Variants in NEDD4L observed in about 807,000 individuals in gnomAD.
The protein encoded by NEDD4L is E3 ubiquitin-protein ligase NEDD4-like.
In NEDD4L, 54 loss-of-function variants were observed where a neutral mutation model predicts 148.9. The observed-to-expected ratio is 0.36, with a 90% CI of 0.29 to 0.45. The LOEUF (loss-of-function observed/expected upper bound fraction) is 0.45. Ranked by LOEUF, NEDD4L falls within the 20% of genes least tolerant of loss-of-function variation. NEDD4L has a pLI of 1.00. For synonymous variants in NEDD4L, 433 were observed against 440.7 expected (o/e 0.98, Z 0.22); for missense variants, 856 against 1,233.8 (o/e 0.69, Z 4.59).
intron 1 of NEDD4L, among the ~76,000 whole-genome samples, chr18:58,088,580 GC>G (rs1381361539): frequency 6.6e-6 from 1 of 152,088 alleles, no homozygotes; most frequent in Non-Finnish European, 1.5e-5. Context: ...TATGCCCTCT[GC>G]TTTTATTAGT....
At chr18:58,225,684 T>G (rs2044270997) in intron 2 of NEDD4L, among the ~76,000 whole-genome samples, 1 of 152,098 alleles carries the variant, frequency 6.6e-6, no homozygotes, top group Non-Finnish European at 1.5e-5. Flanking sequence ...GAGATACCAG[T>G]GCAAATAGAA....
At chr18:58,153,652 C>T (rs901696753) in intron 1 of NEDD4L, among the ~76,000 whole-genome samples, 6 of 139,402 alleles carry the variant, frequency 4.3e-5, no homozygotes, top group Admixed American at 1.4e-4. Flanking sequence ...CTTTGCGAAA[C>T]GTTTTTTTTT....
intron 2 of NEDD4L, among the ~76,000 whole-genome samples, chr18:58,191,241 A>G (rs1216843723): frequency 6.6e-6 from 1 of 152,246 alleles, no homozygotes; most frequent in Non-Finnish European, 1.5e-5. Flanking sequence ...ATTTGTATCA[A>G]TGAATAACCC....
intron 2 of NEDD4L, among the ~76,000 whole-genome samples, chr18:58,209,716 C>CA (rs144847827): frequency 6.6e-6 from 1 of 150,988 alleles, no homozygotes; most frequent in Non-Finnish European, 1.5e-5. Context: ...ACTAAGTAAA[C>CA]AAAAAAATAT....
At chr18:58,127,079 C>T (rs2031251479) in intron 1 of NEDD4L, among the ~76,000 whole-genome samples, 1 of 152,244 alleles carries the variant, frequency 6.6e-6, no homozygotes, top group Non-Finnish European at 1.5e-5. Flanking sequence ...CCTGTTCATG[C>T]TCTCTTGCTT....
intron 2 of NEDD4L, among the ~76,000 whole-genome samples, chr18:58,175,374 G>A (rs1465206533): frequency 1.3e-5 from 2 of 152,250 alleles, no homozygotes; most frequent in African/African-American, 4.8e-5. Flanking sequence ...GAGGTCCCTC[G>A]AGGTACAGGC....
chr18:58,164,234 C>A (rs1007928752), intron 1 of NEDD4L, among the ~76,000 whole-genome samples: 7 of 152,098 alleles, frequency 4.6e-5, no homozygotes, highest in African/African-American at 1.4e-4. Flanking sequence ...ATCCCGCACA[C>A]CCCCACAGAA....
chr18:58,324,802 G>A (rs2059163371), intron 8 of NEDD4L, among the ~76,000 whole-genome samples, 194 bp from the exon 9 acceptor site: 1 of 152,146 alleles, frequency 6.6e-6, no homozygotes, highest in Non-Finnish European at 1.5e-5. Context: ...AGATTTTTGA[G>A]GCCTTTCTAG....
rs367740554 is a variant in NEDD4L at position 58,128,591 on chromosome 18, G to A, written c.49-37197G>A. Among the ~76,000 whole-genome samples the A allele has an allele frequency of 6.6e-5, 10 of 152,300 alleles. No homozygotes were observed. In the East Asian group the frequency reaches 1.5e-3, roughly 23 times the overall value. Reference sequence around the variant, plus strand: ...TCTTCCATTGGATACCCTTGTTTATGTTCTCTCTGGCAACTGCCTGTAGCA... The same window carrying A: ...TCTTCCATTGGATACCCTTGTTTATATTCTCTCTGGCAACTGCCTGTAGCA... On this transcript the variant is annotated intron_variant, in intron 1 of 30. Transcript: ENST00000400345.
At chr18:58,065,497 T>G (rs1485073580) in intron 1 of NEDD4L, among the ~76,000 whole-genome samples, 2 of 152,258 alleles carry the variant, frequency 1.3e-5, no homozygotes, top group Non-Finnish European at 2.9e-5. Flanking sequence ...CCATTTGCTT[T>G]TCTTAGCCAG....
At chr18:58,102,344 T>C (rs1380704904) in intron 1 of NEDD4L, among the ~76,000 whole-genome samples, 1 of 152,198 alleles carries the variant, frequency 6.6e-6, no homozygotes, top group Non-Finnish European at 1.5e-5. Flanking sequence ...CGGCTCACTT[T>C]CCTGAAACTT....
Position 58,333,811 on chromosome 18 carries a change from C to T in NEDD4L, c.991-7C>T, listed in dbSNP as rs1200513009. 2 of 1,611,852 alleles carry T rather than the reference C, an allele frequency of 1.2e-6. No homozygotes were observed. The highest frequency in any genetic ancestry group is 1.7e-6 in the Non-Finnish European group (2 of 1,178,034). ...TTGATGCTTCCTGTCTTTTCCTCTC[C>T]TTCCAGCAAAGAGAACCCTCCTCAA... On this transcript the variant is annotated splice_region_variant and splice_polypyrimidine_tract_variant and intron_variant, in intron 11 of 30. Coordinates refer to ENST00000400345, the MANE Select transcript of NEDD4L (RefSeq NM_001144967.3).
intron 1 of NEDD4L, among the ~76,000 whole-genome samples, chr18:58,069,162 G>A (rs9954318): frequency 0.042 from 6,108 of 146,696 alleles, 447 homozygotes; most frequent in African/African-American, 0.15. Context: ...AAAAAAAATA[G>A]GAAAGAAAAT....
intron 1 of NEDD4L, among the ~76,000 whole-genome samples, chr18:58,138,341 CCT>C (rs2146085091): frequency 6.8e-6 from 1 of 146,056 alleles, no homozygotes; most frequent in South Asian, 2.2e-4. Context: ...CTCCCCTCCT[CCT>C]CTTCCCTCCC....
At chr18:58,198,198 A>G (rs997566407) in intron 2 of NEDD4L, among the ~76,000 whole-genome samples, 2 of 152,342 alleles carry the variant, frequency 1.3e-5, no homozygotes, top group Middle Eastern at 3.4e-3. Context: ...TCAGAGCTGC[A>G]GAAATGAGAG....
At chr18:58,182,736 C>T (rs2039001294) in intron 2 of NEDD4L, among the ~76,000 whole-genome samples, 1 of 152,158 alleles carries the variant, frequency 6.6e-6, no homozygotes, top group South Asian at 2.1e-4. Context: ...CCCACCTTGG[C>T]CTCCCAAAGT....
At chr18:58,062,613 C>T (rs1193534027) in intron 1 of NEDD4L, among the ~76,000 whole-genome samples, 2 of 152,134 alleles carry the variant, frequency 1.3e-5, no homozygotes, top group East Asian at 1.9e-4. Context: ...GGCACTAAAG[C>T]GCGGCTGCTG....
In NEDD4L at chr18:58,351,055, C is replaced by G. The variant is rs200176042; in HGVS notation, c.1708+10C>G. The G allele has an allele frequency of 5.1e-6, 8 of 1,581,246 alleles. No individual in the cohort carries two copies. In the African/African-American group the frequency reaches 5.4e-5, roughly 11 times the overall value. On this transcript the variant is annotated intron_variant, in intron 18 of 30. Coordinates refer to ENST00000400345, the MANE Select transcript of NEDD4L (RefSeq NM_001144967.3). ...TTTTATATTGATCATAGTAAGTAGG[C>G]GCTGTTATGGACACACAGGTGTTGT...
rs114791529 is a variant in NEDD4L at position 58,179,271 on chromosome 18, C to G, written c.122+13410C>G. 5.3e-5 allele frequency among the ~76,000 whole-genome samples: 8 copies of G among 152,236 alleles called. No homozygotes were observed. In the South Asian group the frequency reaches 1.7e-3, roughly 32 times the overall value. ...GTGAGACTTCACCCACTAGTGGGGC[C>G]GTATAATTCAGGATCTTTTGTTTGT... On this transcript the variant is annotated intron_variant, in intron 2 of 30. Coordinates refer to ENST00000400345, the MANE Select transcript of NEDD4L (RefSeq NM_001144967.3).
Sources: gnomAD v4.1 joint callset for allele counts (sites outside exome capture counted in the v4.1 genomes callset) on GRCh38, gnomAD v4.1.1 for gene constraint, MANE v1.5 for transcripts, NCBI Gene and HGNC (gene_info 2026-07-23, HGNC 2026-07-21) for gene names.